XKR4: variants seen among roughly 807,000 people sequenced by gnomAD.
XKR4 encodes XK related 4.
Under a neutral mutation model 53.9 loss-of-function variants are expected in XKR4, and 12 were observed. That is an observed-to-expected ratio of 0.22 (90% confidence interval 0.14 to 0.36). The LOEUF (loss-of-function observed/expected upper bound fraction) is 0.36, where lower values mean the gene tolerates loss of function less well. XKR4 is among the 10% of genes least tolerant of loss of function. The probability of loss-of-function intolerance (pLI) is 1.00; values close to 1 mark genes in which losing one functional copy is unlikely to be tolerated. For synonymous variants in XKR4, 354 were observed against 362.4 expected (o/e 0.98, Z 0.26); for missense variants, 799 against 859.5 (o/e 0.93, Z 0.88).
chr8:55,275,693 T>A (rs4383947), intron 1 of XKR4, among the ~76,000 whole-genome samples: 54,653 of 152,122 alleles, frequency 0.36, 12,028 homozygotes, highest in Non-Finnish European at 0.49. Flanking sequence ...CCTCATTAAT[T>A]TCTTCTTGAA....
chr8:55,455,083 C>T lies in XKR4; in HGVS notation c.1007-68198C>T, dbSNP rs1563355271. The T allele has an allele frequency of 5.8e-6, 4 of 689,196 alleles. No individual in the cohort carries two copies. The East Asian group carries it at 1.1e-4, about 18-fold the overall frequency. 42.7% of individuals were successfully genotyped at this position (689,196 alleles called of 1,614,324 possible). A position where few individuals can be genotyped will look rare whatever the true frequency, so the allele number is the denominator to read the frequency against. On this transcript the variant is annotated intron_variant, in intron 2 of 2. Coordinates refer to ENST00000327381, the MANE Select transcript of XKR4 (RefSeq NM_052898.2). ...GAATCTGGCCCTGGCCTTTCCCACT[C>T]CCGCGCGGGTGCGGCCTGAATGCCA...
rs73596963 is a variant in XKR4, at chr8:55,130,880, A to G, written c.806+27586A>G. Reference sequence around the variant, plus strand: ...CCTCACCTTCTTGTTAGAAATGCAGACTCTTGCGGTGGCTCACGTCTGTAA... The same window carrying G: ...CCTCACCTTCTTGTTAGAAATGCAGGCTCTTGCGGTGGCTCACGTCTGTAA... On this transcript the variant is annotated intron_variant, in intron 1 of 2. Coordinates refer to ENST00000327381, the MANE Select transcript of XKR4 (RefSeq NM_052898.2). Among the ~76,000 whole-genome samples the G allele has an allele frequency of 9.0e-3, 1,358 of 151,716 alleles. 28 individuals carry two copies. The highest frequency in any genetic ancestry group is 0.029 in the African/African-American group (1,214 of 41,356).
chr8:55,259,877 C>T (rs924889106), intron 1 of XKR4, among the ~76,000 whole-genome samples: 2 of 152,050 alleles, frequency 1.3e-5, no homozygotes, highest in Non-Finnish European at 2.9e-5. Context: ...CTGCCCTAGC[C>T]GTCCTATCTA....
intron 1 of XKR4, among the ~76,000 whole-genome samples, chr8:55,305,410 A>T (rs1434045309): frequency 6.6e-6 from 1 of 152,122 alleles, no homozygotes; most frequent in African/African-American, 2.4e-5. Flanking sequence ...GGAGGGGGTC[A>T]CCGGAAGGCT....
chr8:55,150,076 T>C (rs764476854), intron 1 of XKR4, among the ~76,000 whole-genome samples: 4 of 152,228 alleles, frequency 2.6e-5, no homozygotes, highest in Non-Finnish European at 5.9e-5. Context: ...CTATTTTTCA[T>C]CTGTAAAATG....
chr8:55,448,702 T>G (rs1166481826), intron 2 of XKR4, among the ~76,000 whole-genome samples: 2 of 152,246 alleles, frequency 1.3e-5, no homozygotes, highest in Non-Finnish European at 2.9e-5. Context: ...CCACATGCCC[T>G]GCATAACAAT....
At chr8:55,500,034 C>T (rs932269239) in intron 2 of XKR4, among the ~76,000 whole-genome samples, 10 of 152,128 alleles carry the variant, frequency 6.6e-5, no homozygotes, top group Non-Finnish European at 1.3e-4. Context: ...TCTTCCTTCT[C>T]TAGAGCTTGA....
At chr8:55,462,725 A>G (rs1805682268) in intron 2 of XKR4, among the ~76,000 whole-genome samples, 2 of 152,178 alleles carry the variant, frequency 1.3e-5, no homozygotes, top group African/African-American at 4.8e-5. Flanking sequence ...GTATTCAGGA[A>G]ACCCATCTCA....
rs773603063 is a variant in XKR4, at chr8:55,524,444, G to C, written c.*217G>C. 6.8e-6 allele frequency: 4 copies of C among 584,562 alleles called. No individual in the cohort carries two copies. Among genetic ancestry groups the C allele is most frequent in the Admixed American group, 3.1e-5 (1 of 32,098 alleles). 36.2% of individuals were successfully genotyped at this position (584,562 alleles called of 1,614,324 possible). A position where few individuals can be genotyped will look rare whatever the true frequency, so the allele number is the denominator to read the frequency against. ...CTCTGACTCCACCTGAAAGAATGAC[G>C]CTGGCTTAATAGGACTCTCCATTGC... is the stretch of plus-strand genomic sequence containing the variant. On this transcript the variant is annotated 3_prime_UTR_variant, in exon 3 of 3. Transcript: ENST00000327381.
chr8:55,398,848 G>A (rs781360927), intron 2 of XKR4, among the ~76,000 whole-genome samples: 1 of 152,196 alleles, frequency 6.6e-6, no homozygotes, highest in Non-Finnish European at 1.5e-5. Context: ...CGTTTCCCTG[G>A]AGAGTTTTTA....
At chr8:55,283,718 C>T (rs1325581653) in intron 1 of XKR4, among the ~76,000 whole-genome samples, 1 of 152,150 alleles carries the variant, frequency 6.6e-6, no homozygotes, top group Non-Finnish European at 1.5e-5. Context: ...TGTTTTTGCA[C>T]ATCCAAATGC....
At chr8:55,320,976 C>T (rs1803203014) in intron 1 of XKR4, among the ~76,000 whole-genome samples, 1 of 152,092 alleles carries the variant, frequency 6.6e-6, no homozygotes, top group Non-Finnish European at 1.5e-5. Context: ...CCCAAACATC[C>T]TTCTTTGCAT....
At chr8:55,357,307 T>C (rs563038025) in intron 1 of XKR4, among the ~76,000 whole-genome samples, 1 of 152,252 alleles carries the variant, frequency 6.6e-6, no homozygotes, top group South Asian at 2.1e-4. Flanking sequence ...CATTCTGTCC[T>C]AGGAGAAATC....
At chr8:55,464,840 A>C (rs914814899) in intron 2 of XKR4, among the ~76,000 whole-genome samples, 1 of 152,040 alleles carries the variant, frequency 6.6e-6, no homozygotes, top group Non-Finnish European at 1.5e-5. Context: ...TATACACCAA[A>C]AACAGACAAA....
At chr8:55,304,273 G>T (rs563583675) in intron 1 of XKR4, among the ~76,000 whole-genome samples, 1,928 of 152,214 alleles carry the variant, frequency 0.013, 39 homozygotes, top group African/African-American at 0.043. Flanking sequence ...AGTCATTCAG[G>T]AGCAGGTTTC....
chr8:55,258,019 G>T (rs2129370676), intron 1 of XKR4, among the ~76,000 whole-genome samples: 1 of 152,324 alleles, frequency 6.6e-6, no homozygotes, highest in Middle Eastern at 3.4e-3. Context: ...CAGCCCCAGT[G>T]CTGAGTCCTG....
chr8:55,350,228 G>A lies in XKR4; in HGVS notation c.807-7450G>A, dbSNP rs575092032. On this transcript the variant is annotated intron_variant, in intron 1 of 2. Transcript: ENST00000327381. ...TAGCTAATCCTGAGTGAATTTGTGC[G>A]TGCTCTTTGCCTATAGTTATTTTCA... Among the ~76,000 whole-genome samples the A allele has an allele frequency of 3.7e-4, 56 of 152,298 alleles. No homozygotes were observed. In the Middle Eastern group the frequency reaches 0.01, roughly 28 times the overall value.
intron 1 of XKR4, among the ~76,000 whole-genome samples, chr8:55,279,079 A>G (rs926525021): frequency 2.4e-4 from 36 of 152,238 alleles, no homozygotes; most frequent in African/African-American, 8.0e-4. Context: ...TCCACAGCTT[A>G]TATAATCACT....
At chr8:55,205,909 T>C (rs948177349) in intron 1 of XKR4, among the ~76,000 whole-genome samples, 3 of 152,154 alleles carry the variant, frequency 2.0e-5, no homozygotes, top group African/African-American at 7.2e-5. Context: ...TTCCTTCAGA[T>C]GTTCAGATGT....
Sources: gnomAD v4.1 joint callset for allele counts (sites outside exome capture counted in the v4.1 genomes callset) on GRCh38, gnomAD v4.1.1 for gene constraint, MANE v1.5 for transcripts, NCBI Gene and HGNC (gene_info 2026-07-23, HGNC 2026-07-21) for gene names.